Variants in UBXN4 observed in about 807,000 individuals in gnomAD.
The protein encoded by UBXN4 is UBX domain-containing protein 4.
In UBXN4, 35 loss-of-function variants were observed where a neutral mutation model predicts 66.2. The ratio of observed to expected loss-of-function variants is 0.53; its 90% CI spans 0.40 to 0.70. The LOEUF (loss-of-function observed/expected upper bound fraction) is 0.70, where lower values mean the gene tolerates loss of function less well. Ranked by LOEUF, UBXN4 falls within the 30% of genes least tolerant of loss-of-function variation. The pLI, the probability that UBXN4 is intolerant of heterozygous loss-of-function variation, is 0.00. For synonymous variants in UBXN4, 203 were observed against 204.5 expected (o/e 0.99, Z 0.06); for missense variants, 533 against 599.8 (o/e 0.89, Z 1.16).
chr2:135,756,174 G>A (rs2077277848), intron 5 of UBXN4, among the ~76,000 whole-genome samples: 1 of 152,140 alleles, frequency 6.6e-6, no homozygotes, highest in African/African-American at 2.4e-5. Context: ...TAAACTCATT[G>A]ATAGAAAAGG....
At position 135,780,305 on chromosome 2, in the gene UBXN4, T is replaced by C; in HGVS notation, c.1308T>C (p.Asn436=). 6.2e-7 allele frequency: 1 copy of C among 1,614,162 alleles called. No homozygotes were observed. The highest frequency in any genetic ancestry group is 1.1e-5 in the South Asian group (1 of 91,076). Reference sequence around the variant, plus strand: ...TAATTAGCAATTTCTTGTTTAGTAATCCGCCTCCCACACAGACTTCAGTGA... The same window carrying C: ...TAATTAGCAATTTCTTGTTTAGTAACCCGCCTCCCACACAGACTTCAGTGA... ...WRLISNFLFS[N]PPPTQTSVRV... is the part of the protein sequence containing the mutation. Residue 436 remains asparagine, a synonymous_variant, in exon 12 of 13, where the codon AAT becomes AAC. Coordinates refer to ENST00000272638, the MANE Select transcript of UBXN4 (RefSeq NM_014607.4).
chr2:135,770,850 C>T, intron 8 of UBXN4, 115 bp downstream of exon 8: 1 of 999,966 alleles, frequency 1.0e-6, no homozygotes, highest in Non-Finnish European at 1.3e-6. Flanking sequence ...GACTACCAAT[C>T]CTGAGCTTCC....
At chr2:135,767,005 C>T (rs2077352305) in intron 6 of UBXN4, among the ~76,000 whole-genome samples, 1 of 152,032 alleles carries the variant, frequency 6.6e-6, no homozygotes, top group South Asian at 2.1e-4. Context: ...TCTGCCCACC[C>T]CCGCCCCCTT....
At chr2:135,743,098 T>G (rs575822605) in intron 1 of UBXN4, among the ~76,000 whole-genome samples, 1 of 152,238 alleles carries the variant, frequency 6.6e-6, no homozygotes, top group Middle Eastern at 3.2e-3. Context: ...ACTATTTGTG[T>G]TTAATAACGG....
chr2:135,772,436 C>T lies in UBXN4; in HGVS notation c.839C>T (p.Ala280Val), dbSNP rs1575322352. 6.2e-7 allele frequency: 1 copy of T among 1,613,988 alleles called. No individual in the cohort carries two copies. Among genetic ancestry groups the T allele is most frequent in the East Asian group, 2.2e-5 (1 of 44,876 alleles). ...GTTTTAAAGGACCGTGCAGAGAGAG[C>T]TGCTCGTTTTGCAAAGACAAAGGAA... ...QQIALDRAER[A>V]ARFAKTKEEV... The change falls in exon 9 of 13, where the codon GCT becomes GTT. Residue 280 changes from alanine (A) to valine (V), a missense_variant. Physicochemically the swap from Ala to Val is moderately conservative, Grantham distance 64. Coordinates refer to ENST00000272638, the MANE Select transcript of UBXN4 (RefSeq NM_014607.4).
chr2:135,764,847 G>A (rs1219302883), intron 6 of UBXN4, among the ~76,000 whole-genome samples: 1 of 149,692 alleles, frequency 6.7e-6, no homozygotes, highest in Non-Finnish European at 1.5e-5. Context: ...ATGAAGTCTG[G>A]CTCTGTTGCC....
chr2:135,772,929 C>T (rs948487107), intron 9 of UBXN4, among the ~76,000 whole-genome samples: 9 of 149,202 alleles, frequency 6.0e-5, no homozygotes, highest in South Asian at 2.2e-4. Context: ...CCCAGCTACG[C>T]GGGAGGCTGA....
At chr2:135,780,644 G>T (rs2077444062) in intron 12 of UBXN4, among the ~76,000 whole-genome samples, 1 of 152,116 alleles carries the variant, frequency 6.6e-6, no homozygotes, top group Non-Finnish European at 1.5e-5. Context: ...TTCATTCATT[G>T]AAGTTTCTTT....
chr2:135,781,631 A>C (rs1349075360), intron 12 of UBXN4, among the ~76,000 whole-genome samples: 2 of 152,260 alleles, frequency 1.3e-5, no homozygotes, highest in Non-Finnish European at 2.9e-5. Flanking sequence ...TTAGGCAGGA[A>C]GACCAGTTAC....
chr2:135,747,223 C>T (rs1420646965), intron 1 of UBXN4, among the ~76,000 whole-genome samples: 1 of 151,882 alleles, frequency 6.6e-6, no homozygotes, highest in African/African-American at 2.4e-5. Context: ...TGGCGGGCAC[C>T]TGTAATTCCA....
Position 135,782,904 on chromosome 2 carries a change from T to C in UBXN4, c.*17T>C. 5.6e-6 allele frequency: 9 copies of C among 1,593,250 alleles called. No individual in the cohort carries two copies. Among genetic ancestry groups the C allele is most frequent in the Non-Finnish European group, 6.8e-6 (8 of 1,170,364 alleles). On this transcript the variant is annotated 3_prime_UTR_variant, in exon 13 of 13. Transcript: ENST00000272638. ...CAGATGTAGTGTGACAAGTATAATA[T>C]GTGCAATAATCATTGTTTCTCTTAT...
At chr2:135,746,351 AGTCTT>A (rs796091843) in intron 1 of UBXN4, among the ~76,000 whole-genome samples, 10 of 152,322 alleles carry the variant, frequency 6.6e-5, no homozygotes, top group African/African-American at 1.9e-4. Context: ...TAGAGATTTT[AGTCTT>A]GTCAGTAAAT....
chr2:135,776,114 A>G, intron 9 of UBXN4, 135 bp from the exon 10 acceptor site: 4 of 673,432 alleles, frequency 5.9e-6, no homozygotes, highest in South Asian at 2.1e-5. Flanking sequence ...GCAGTTATTA[A>G]CAAACAAAAA....
chr2:135,760,660 A>G (rs181962471), intron 5 of UBXN4, among the ~76,000 whole-genome samples: 65 of 152,276 alleles, frequency 4.3e-4, no homozygotes, highest in African/African-American at 1.4e-3. Context: ...TGATAATAAG[A>G]CATGTCCTCA....
chr2:135,768,666 C>T (rs1022046644), intron 6 of UBXN4, among the ~76,000 whole-genome samples: 11 of 151,788 alleles, frequency 7.2e-5, no homozygotes, highest in African/African-American at 2.4e-4. Context: ...CAGGTTCAAG[C>T]GATTCTCCTG....
rs768722669 is a variant in UBXN4, at chr2:135,779,076, G to A, written c.1182G>A (p.Leu394=). 6.8e-6 allele frequency: 11 copies of A among 1,611,666 alleles called. No individual in the cohort carries two copies. The highest frequency in any genetic ancestry group is 8.5e-6 in the Non-Finnish European group (10 of 1,179,248). The change falls in exon 11 of 13, where the codon TTG becomes TTA. Residue 394 remains leucine (L), a synonymous_variant. Coordinates refer to ENST00000272638, the MANE Select transcript of UBXN4 (RefSeq NM_014607.4). ...CCCCAAGCGCTTCGGTGGTACTGTT[G>A]CCAGTATGTATATACAGATGCATTT... ...ELAPSASVVL[L]PAGRPTASIV... is the part of the protein sequence containing the mutation.
intron 1 of UBXN4, among the ~76,000 whole-genome samples, chr2:135,745,979 G>A (rs1298544387): frequency 7.3e-6 from 1 of 137,132 alleles, no homozygotes; most frequent in Non-Finnish European, 1.5e-5. Flanking sequence ...CCTGGTTCAA[G>A]CGATTCTCCT....
At chr2:135,759,880 TACCTCAGCCTTCCAAGTAGCCG>T (rs1264383458) in intron 5 of UBXN4, among the ~76,000 whole-genome samples, 2 of 151,340 alleles carry the variant, frequency 1.3e-5, no homozygotes, top group African/African-American at 4.9e-5. Flanking sequence ...GTGATTCTTC[TACCTCAGCCTTCCAAGTAGCCG>T]GGATTATAGG....
At chr2:135,774,306 G>A (rs1464704374) in intron 9 of UBXN4, among the ~76,000 whole-genome samples, 3 of 152,066 alleles carry the variant, frequency 2.0e-5, no homozygotes, top group Admixed American at 6.6e-5. Context: ...ATATCTACAT[G>A]CAAAATAATG....
Sources: allele counts gnomAD v4.1 joint callset (sites outside exome capture counted in the v4.1 genomes callset), GRCh38; gene constraint gnomAD v4.1.1; transcripts MANE v1.5; gene names NCBI Gene and HGNC (gene_info 2026-07-23, HGNC 2026-07-21).